The following ARHGAP26 variants were observed in gnomAD, a reference collection of about 807,000 sequenced individuals.
The protein encoded by ARHGAP26 is Rho GTPase activating protein 26, also known as rho GTPase-activating protein 26.
In ARHGAP26, 38 loss-of-function variants were observed where a neutral mutation model predicts 104.8. The observed-to-expected ratio is 0.36, with a 90% CI of 0.28 to 0.48. The LOEUF (loss-of-function observed/expected upper bound fraction) is 0.48, where lower values mean the gene tolerates loss of function less well. ARHGAP26 is among the 20% of genes least tolerant of loss of function. The pLI is 0.99. For synonymous variants in ARHGAP26, 341 were observed against 340.0 expected, an observed-to-expected ratio of 1.00 and a Z score of -0.03; for missense variants, 704 against 947.9, an observed-to-expected ratio of 0.74 and a Z score of 3.38.
intron 20 of ARHGAP26, among the ~76,000 whole-genome samples, chr5:143,196,135 A>G (rs1806790543): frequency 6.6e-6 from 1 of 152,056 alleles, no homozygotes; most frequent in Admixed American, 6.5e-5. Context: ...TATTTAGCAA[A>G]CACCCCCTAA....
intron 11 of ARHGAP26, among the ~76,000 whole-genome samples, chr5:142,995,474 G>T (rs536222375): frequency 6.6e-6 from 1 of 152,286 alleles, no homozygotes; most frequent in Admixed American, 6.5e-5. Context: ...ACCATCTCAT[G>T]CCAGTTAGAA....
intron 14 of ARHGAP26, among the ~76,000 whole-genome samples, chr5:143,042,930 G>C (rs1467677354): frequency 1.3e-5 from 2 of 151,892 alleles, no homozygotes; most frequent in African/African-American, 4.8e-5. Context: ...CGAGTATCTG[G>C]GTTTTTTTTG....
At chr5:142,963,175 T>TATATATATATATATATAC (rs1770593599) in intron 11 of ARHGAP26, among the ~76,000 whole-genome samples, 1 of 92,822 alleles carries the variant, frequency 1.1e-5, no homozygotes, top group African/African-American at 8.0e-5. Context: ...TATATATGTA[T>TATATATATATATATATAC]ATATATATAT....
intron 17 of ARHGAP26, among the ~76,000 whole-genome samples, chr5:143,075,623 A>C (rs1178504235): frequency 6.6e-6 from 1 of 152,204 alleles, no homozygotes; most frequent in African/African-American, 2.4e-5. Flanking sequence ...TTCTATTTAC[A>C]CTAAAGTTTG....
At chr5:142,974,519 G>T (rs943152832) in intron 11 of ARHGAP26, among the ~76,000 whole-genome samples, 1 of 152,116 alleles carries the variant, frequency 6.6e-6, no homozygotes, top group African/African-American at 2.4e-5. Flanking sequence ...ATTTTAAGAG[G>T]CAGTAACTCT....
At chr5:142,842,747 C>T (rs1342362899) in intron 1 of ARHGAP26, among the ~76,000 whole-genome samples, 1 of 152,108 alleles carries the variant, frequency 6.6e-6, no homozygotes, top group Non-Finnish European at 1.5e-5. Context: ...AATGGAAATT[C>T]CCTCAACATT....
chr5:143,158,149 T>C (rs1488890849), intron 20 of ARHGAP26, among the ~76,000 whole-genome samples: 1 of 152,178 alleles, frequency 6.6e-6, no homozygotes, highest in African/African-American at 2.4e-5. Flanking sequence ...AACAAACCCC[T>C]AGTGTTGATT....
chr5:142,844,878 T>C (rs1192456455), intron 1 of ARHGAP26, among the ~76,000 whole-genome samples: 3 of 151,852 alleles, frequency 2.0e-5, no homozygotes, highest in Non-Finnish European at 4.4e-5. Context: ...AAAAGAACTC[T>C]TTTAATTGAT....
At chr5:143,215,806 C>T (rs1461375528) in intron 22 of ARHGAP26, among the ~76,000 whole-genome samples, 1 of 152,206 alleles carries the variant, frequency 6.6e-6, no homozygotes, top group East Asian at 1.9e-4. Context: ...GAACCTTCTT[C>T]CTTTTTATGT....
chr5:142,877,799 G>C (rs778634107), intron 3 of ARHGAP26, among the ~76,000 whole-genome samples: 1 of 152,132 alleles, frequency 6.6e-6, no homozygotes, highest in African/African-American at 2.4e-5. Context: ...CTAAACTTAG[G>C]GATTTTAAAA....
intron 1 of ARHGAP26, among the ~76,000 whole-genome samples, chr5:142,777,259 T>C (rs1349012546): frequency 6.6e-6 from 1 of 152,254 alleles, no homozygotes; most frequent in Non-Finnish European, 1.5e-5. Context: ...GTGGTTCTTA[T>C]GAGGCTGTGG....
At chr5:142,892,133 A>C (rs1434006854) in intron 5 of ARHGAP26, among the ~76,000 whole-genome samples, 1 of 152,012 alleles carries the variant, frequency 6.6e-6, no homozygotes, top group African/African-American at 2.4e-5. Flanking sequence ...TCACAAAGGA[A>C]GTATTTGGGA....
At chr5:143,116,979 C>T (rs1309483679) in intron 17 of ARHGAP26, among the ~76,000 whole-genome samples, 1 of 152,240 alleles carries the variant, frequency 6.6e-6, no homozygotes, top group Non-Finnish European at 1.5e-5. Flanking sequence ...GTGAATATCA[C>T]ATGCAAAACT....
At chr5:142,993,223 G>A (rs1470962825) in intron 11 of ARHGAP26, among the ~76,000 whole-genome samples, 1 of 142,680 alleles carries the variant, frequency 7.0e-6, no homozygotes, top group Non-Finnish European at 1.5e-5. Flanking sequence ...ACTGCGGACT[G>A]CAGTGGCGCA....
chr5:143,094,928 G>C (rs2150562407), intron 17 of ARHGAP26, among the ~76,000 whole-genome samples: 1 of 152,220 alleles, frequency 6.6e-6, no homozygotes, highest in Non-Finnish European at 1.5e-5. Context: ...TTAAGAGGAA[G>C]TTAAGTTTAA....
rs542420996 is a variant in ARHGAP26 at position 143,149,331 on chromosome 5, T to G, written c.1988+1950T>G. ...AGTCGCTGATTGATACCTTTGGGTCTTGAGGTCAGGGAAGGTTGTTCCTGA... is the reference window on the plus strand; with the variant it reads ...AGTCGCTGATTGATACCTTTGGGTCGTGAGGTCAGGGAAGGTTGTTCCTGA... On this transcript the variant is annotated intron_variant, in intron 20 of 22. Transcript: ENST00000645722. 9.2e-5 allele frequency among the ~76,000 whole-genome samples: 14 copies of G among 152,228 alleles called. No individual in the cohort carries two copies. In the East Asian group the frequency reaches 2.7e-3, roughly 29 times the overall value.
chr5:142,951,346 C>T (rs1410023565), intron 11 of ARHGAP26, among the ~76,000 whole-genome samples: 1 of 152,228 alleles, frequency 6.6e-6, no homozygotes, highest in African/African-American at 2.4e-5. Context: ...AGGCATGAGC[C>T]ACCATACCTG....
chr5:142,925,084 T>TA (rs1763718911), intron 10 of ARHGAP26, among the ~76,000 whole-genome samples: 2 of 110,030 alleles, frequency 1.8e-5, no homozygotes, highest in Admixed American at 1.7e-4. Flanking sequence ...GGCAACAGTT[T>TA]AAAACTGAAA....
chr5:142,801,787 T>G (rs769152446), intron 1 of ARHGAP26, among the ~76,000 whole-genome samples: 3 of 152,170 alleles, frequency 2.0e-5, no homozygotes, highest in Non-Finnish European at 2.9e-5. Flanking sequence ...GTACCTTGTC[T>G]TAAACTTTTG....
Sources: allele counts gnomAD v4.1 joint callset (sites outside exome capture counted in the v4.1 genomes callset), GRCh38; gene constraint gnomAD v4.1.1; transcripts MANE v1.5; gene names NCBI Gene and HGNC (gene_info 2026-07-23, HGNC 2026-07-21).